The following RTL4 variants were observed in gnomAD, a reference collection of about 807,000 sequenced individuals.
RTL4 encodes the protein retrotransposon Gag-like protein 4.
Under a neutral mutation model 5.3 loss-of-function variants are expected in RTL4, and 4 were observed. That is an observed-to-expected ratio of 0.75 (90% CI 0.37 to 1.72). RTL4 has a LOEUF of 1.72. Among genes scored for constraint, RTL4 ranks in the 40% most tolerant of loss-of-function variants. RTL4 has a pLI of 0.04. For synonymous variants in RTL4, 98 were observed against 87.3 expected (o/e 1.12, Z -0.68); for missense variants, 260 against 227.1 (o/e 1.14, Z -0.93).
the RTL4 span, among the ~76,000 whole-genome samples, chrX:112,227,255 T>A: frequency 9.0e-6 from 1 of 111,591 alleles, no homozygotes; most frequent in South Asian, 3.7e-4. Context: ...TCTTTTTGGC[T>A]GTCAGGGCTA....
At chrX:112,200,938 T>C in the RTL4 span, among the ~76,000 whole-genome samples, 1 of 111,757 alleles carries the variant, frequency 8.9e-6, no homozygotes, top group African/African-American at 3.3e-5. Context: ...TGAGGAAGGA[T>C]CTCTTCTATT....
chrX:112,253,014 G>A, the RTL4 span, among the ~76,000 whole-genome samples: 1 of 111,735 alleles, frequency 8.9e-6, no homozygotes, highest in Admixed American at 9.5e-5. Context: ...GTGGCTAATG[G>A]TGGAATTTTC....
At chrX:112,096,117 G>A in the RTL4 span, among the ~76,000 whole-genome samples, 1 of 112,198 alleles carries the variant, frequency 8.9e-6, no homozygotes, top group Non-Finnish European at 1.9e-5. Context: ...AGTGATGATT[G>A]CCAAGTTATG....
At chrX:112,291,521 G>C in the RTL4 span, among the ~76,000 whole-genome samples, 1 of 110,475 alleles carries the variant, frequency 9.1e-6, no homozygotes, top group Non-Finnish European at 1.9e-5. Context: ...TAGGTTCATA[G>C]GTCAATATGA....
the RTL4 span, among the ~76,000 whole-genome samples, chrX:112,328,032 G>A: frequency 9.3e-6 from 1 of 107,647 alleles, no homozygotes; most frequent in Non-Finnish European, 1.9e-5. Context: ...GGAACAACCG[G>A]TACCAGCTGC....
At chrX:112,280,695 A>G in the RTL4 span, among the ~76,000 whole-genome samples, 1 of 110,122 alleles carries the variant, frequency 9.1e-6, no homozygotes, top group Non-Finnish European at 1.9e-5. Flanking sequence ...CAGTCTTACC[A>G]TGTTTCCCAG....
At chrX:112,179,850 G>A in the RTL4 span, among the ~76,000 whole-genome samples, 1 of 111,951 alleles carries the variant, frequency 8.9e-6, no homozygotes, top group African/African-American at 3.2e-5. Flanking sequence ...GTCCAGTATA[G>A]CAGCAAACTA....
At chrX:112,356,263 C>A in the RTL4 span, among the ~76,000 whole-genome samples, 2 of 111,488 alleles carry the variant, frequency 1.8e-5, no homozygotes, top group Admixed American at 9.5e-5. Flanking sequence ...CATAGAAAGC[C>A]GTCTCCTTTA....
At chrX:112,316,851 A>G in the RTL4 span, among the ~76,000 whole-genome samples, 2 of 111,547 alleles carry the variant, frequency 1.8e-5, no homozygotes, top group African/African-American at 6.5e-5. Context: ...CATTTGCCCA[A>G]ATTACAGACC....
chrX:112,438,939 C>A, the RTL4 span, among the ~76,000 whole-genome samples: 1 of 111,821 alleles, frequency 8.9e-6, no homozygotes, highest in Non-Finnish European at 1.9e-5. Context: ...AAGCCCTAAC[C>A]CAGCAAAGTT....
chrX:112,143,942 G>A, the RTL4 span, among the ~76,000 whole-genome samples: 50 of 112,398 alleles, frequency 4.4e-4, no homozygotes, highest in African/African-American at 1.6e-3. Flanking sequence ...CGTAAAACAT[G>A]TTTTGATAAT....
chrX:112,360,988 T>C, the RTL4 span, among the ~76,000 whole-genome samples: 1 of 111,543 alleles, frequency 9.0e-6, no homozygotes, highest in Non-Finnish European at 1.9e-5. Context: ...AAATGTTTCA[T>C]TCTTCTAAAT....
exon 1 of RTL4, chrX:112,455,294 C>G: frequency 8.3e-7 from 1 of 1,211,498 alleles, no homozygotes; most frequent in Non-Finnish European, 1.1e-6. Context: ...AAGGCACTAG[C>G]TGATCCCAAC....
At chrX:112,085,365 G>T in the RTL4 span, among the ~76,000 whole-genome samples, 1 of 112,496 alleles carries the variant, frequency 8.9e-6, no homozygotes, top group African/African-American at 3.2e-5. Flanking sequence ...AAATGTAATT[G>T]AGACATACTC....
chrX:112,314,780 ACT>A, the RTL4 span, among the ~76,000 whole-genome samples: 1 of 110,091 alleles, frequency 9.1e-6, no homozygotes, highest in Non-Finnish European at 1.9e-5. Context: ...CTTTTCTCAT[ACT>A]CTCCCACAAA....
At chrX:112,442,514 G>T in the RTL4 span, among the ~76,000 whole-genome samples, 1 of 110,726 alleles carries the variant, frequency 9.0e-6, no homozygotes. Context: ...CTCCCATAGT[G>T]CTGGGATTAC....
At chrX:112,134,081 ATTC>A in the RTL4 span, among the ~76,000 whole-genome samples, 1 of 112,461 alleles carries the variant, frequency 8.9e-6, no homozygotes, top group Non-Finnish European at 1.9e-5. Flanking sequence ...TGATTTTCAA[ATTC>A]TTCTTTTTAG....
chrX:112,086,109 T>C, the RTL4 span, among the ~76,000 whole-genome samples: 1 of 112,126 alleles, frequency 8.9e-6, no homozygotes, highest in African/African-American at 3.2e-5. Flanking sequence ...CAACCTGGCT[T>C]TTTCCCTCTT....
the RTL4 span, among the ~76,000 whole-genome samples, chrX:112,310,098 C>T: frequency 7.7e-5 from 8 of 103,933 alleles, no homozygotes; most frequent in Non-Finnish European, 1.2e-4. Context: ...CTATTAGATA[C>T]TGCTATGGAC....
Sources: gnomAD v4.1 joint callset for allele counts (sites outside exome capture counted in the v4.1 genomes callset) on GRCh38, gnomAD v4.1.1 for gene constraint, MANE v1.5 for transcripts, NCBI Gene and HGNC (gene_info 2026-07-23, HGNC 2026-07-21) for gene names.